Variants in TRAK1 observed in about 807,000 individuals in gnomAD.
TRAK1 encodes trafficking kinesin protein 1.
In TRAK1, 33 loss-of-function variants were observed where a neutral mutation model predicts 92.1. The observed-to-expected ratio is 0.36, with a 90% CI of 0.27 to 0.48. The LOEUF (loss-of-function observed/expected upper bound fraction) is 0.48, where lower values mean the gene tolerates loss of function less well. TRAK1 is among the 20% of genes least tolerant of loss of function. TRAK1 has a pLI of 0.99. For missense variants in TRAK1, 1,123 were observed against 1,257.9 expected (o/e 0.89, Z 1.62); for synonymous variants, 521 against 517.3 (o/e 1.01, Z -0.10).
chr3:42,220,446 G>T, intron 15 of TRAK1: 3 of 980,436 alleles, frequency 3.1e-6, no homozygotes, highest in Non-Finnish European at 3.6e-6. Context: ...AAAGCAGAAG[G>T]GGTGGGAACA....
chr3:42,176,699 G>A, intron 2 of TRAK1, 115 bp from the exon 3 acceptor site: 1 of 898,514 alleles, frequency 1.1e-6, no homozygotes, highest in Non-Finnish European at 1.8e-6. Flanking sequence ...CAGCGAGCCA[G>A]TGACCCTCTG....
At chr3:42,145,361 CT>C (rs1699190545) in intron 2 of TRAK1, among the ~76,000 whole-genome samples, 1 of 151,926 alleles carries the variant, frequency 6.6e-6, no homozygotes, top group Non-Finnish European at 1.5e-5. Flanking sequence ...TGGCACACAC[CT>C]TTAATCCCAG....
At chr3:42,147,280 G>A (rs1699436872) in intron 2 of TRAK1, among the ~76,000 whole-genome samples, 1 of 152,152 alleles carries the variant, frequency 6.6e-6, no homozygotes, top group Non-Finnish European at 1.5e-5. Context: ...TCAGGGAGAG[G>A]GAATAAAGTA....
intron 1 of TRAK1, among the ~76,000 whole-genome samples, chr3:42,094,944 A>G (rs1354632710): frequency 6.6e-6 from 1 of 152,194 alleles, no homozygotes; most frequent in Non-Finnish European, 1.5e-5. Context: ...GGGGTGGGTC[A>G]GCCTGTTTGC....
chr3:42,206,966 C>A (rs569859244), intron 13 of TRAK1, among the ~76,000 whole-genome samples: 1 of 152,298 alleles, frequency 6.6e-6, no homozygotes, highest in Non-Finnish European at 1.5e-5. Flanking sequence ...AGGGCCCAGA[C>A]CTCCAGCCTC....
chr3:42,138,282 T>C (rs1208376834), intron 2 of TRAK1, among the ~76,000 whole-genome samples: 1 of 152,190 alleles, frequency 6.6e-6, no homozygotes, highest in Non-Finnish European at 1.5e-5. Context: ...TTCTAGTAGA[T>C]TACAAATCGT....
chr3:42,218,816 C>T, intron 14 of TRAK1: 1 of 985,408 alleles, frequency 1.0e-6, no homozygotes, highest in Non-Finnish European at 1.2e-6. Flanking sequence ...GTATGGGGAC[C>T]TGTCCTGCTC....
chr3:42,118,353 A>G (rs932525792), intron 1 of TRAK1, among the ~76,000 whole-genome samples: 2 of 152,186 alleles, frequency 1.3e-5, no homozygotes, highest in East Asian at 3.9e-4. Context: ...CGGCCTCCCA[A>G]AGTGCTGGGA....
chr3:42,202,169 G>A lies in TRAK1; in HGVS notation c.1428-267G>A, dbSNP rs1707723733. Among the ~76,000 whole-genome samples, 2 of 152,138 alleles carry A rather than the reference G, an allele frequency of 1.3e-5. No homozygotes were observed. Among genetic ancestry groups the A allele is most frequent in the Admixed American group, 1.3e-4 (2 of 15,284 alleles). ...AGGTTCTTCAGGGAGATGTTTACAGGGACTGAATTTACTTAGTCTGTGTGC... is the reference window on the plus strand; with the variant it reads ...AGGTTCTTCAGGGAGATGTTTACAGAGACTGAATTTACTTAGTCTGTGTGC... On this transcript the variant is annotated intron_variant, in intron 12 of 15. Transcript: ENST00000327628. The surrounding 1 kb of genome is among the most constrained non-coding windows in gnomAD (Gnocchi z 6.1).
intron 6 of TRAK1, 63 bp from the exon 7 acceptor site, chr3:42,191,495 C>G (rs1705728828): frequency 6.7e-7 from 1 of 1,491,412 alleles, no homozygotes; most frequent in African/African-American, 1.4e-5. Context: ...TATGCCTCAG[C>G]CCTTGCCTGC....
At chr3:42,058,898 A>G (rs552176586) in intron 1 of TRAK1, among the ~76,000 whole-genome samples, 4 of 152,202 alleles carry the variant, frequency 2.6e-5, no homozygotes, top group Non-Finnish European at 5.9e-5. Context: ...AGATATTGAA[A>G]TGTGAAAAAA....
chr3:42,130,789 AAAC>A (rs959228105), intron 2 of TRAK1, among the ~76,000 whole-genome samples: 11 of 152,154 alleles, frequency 7.2e-5, no homozygotes, highest in Admixed American at 2.0e-4. Flanking sequence ...ACTTAAAAGT[AAAC>A]AACAACAACA....
At position 42,194,783 on chromosome 3, in the gene TRAK1, CTG is replaced by C. The variant is rs1559911231; in HGVS notation, c.976-17_976-16del. 1.2e-6 allele frequency: 2 copies of C among 1,612,232 alleles called. No individual in the cohort carries two copies. The highest frequency in any genetic ancestry group is 1.7e-6 in the Non-Finnish European group (2 of 1,179,202). ...TGGGTGCTCAGGAGATCCTGACCCT[CTG>C]TGTCTTTCCTGCCTGCAGCTGCGTG... On this transcript the variant is annotated intron_variant, in intron 9 of 15. Coordinates refer to ENST00000327628, the MANE Select transcript of TRAK1 (RefSeq NM_001042646.3).
intron 2 of TRAK1, among the ~76,000 whole-genome samples, chr3:42,163,876 G>A (rs527252511): frequency 6.6e-6 from 1 of 152,266 alleles, no homozygotes; most frequent in South Asian, 2.1e-4. Flanking sequence ...TAGCAGTCCT[G>A]TAGGTGAGGT....
intron 1 of TRAK1, among the ~76,000 whole-genome samples, chr3:42,043,241 T>C (rs875967): frequency 1.2e-4 from 18 of 151,898 alleles, no homozygotes; most frequent in African/African-American, 4.4e-4. Context: ...GCCCTCCTTC[T>C]CCTCCCTCTC....
intron 1 of TRAK1, among the ~76,000 whole-genome samples, chr3:42,027,386 G>A (rs1701959942): frequency 6.6e-6 from 1 of 152,060 alleles, no homozygotes; most frequent in South Asian, 2.1e-4. Flanking sequence ...AGCCAGGTGT[G>A]GTGGCGGGCA....
At chr3:42,154,857 T>G (rs1217074462) in intron 2 of TRAK1, among the ~76,000 whole-genome samples, 1 of 151,660 alleles carries the variant, frequency 6.6e-6, no homozygotes, top group Non-Finnish European at 1.5e-5. Flanking sequence ...ATGGGACAGG[T>G]GAAGTGGAGA....
In TRAK1 at chr3:42,066,191, T is replaced by G. The variant is rs117039687; in HGVS notation, c.-518-20913T>G. Among the ~76,000 whole-genome samples, 302 of 152,130 alleles carry G rather than the reference T, an allele frequency of 2.0e-3. 7 individuals are homozygous for G. In the East Asian group the frequency reaches 0.054, roughly 27 times the overall value. On this transcript the variant is annotated intron_variant, in intron 1 of 16. Transcript: ENST00000487159. ...AATTCCAAAGATTAGCCAGGCATGGTGGCACACACCTGTAGCCCCAGCTAT... is the reference window on the plus strand; with the variant it reads ...AATTCCAAAGATTAGCCAGGCATGGGGGCACACACCTGTAGCCCCAGCTAT...
At chr3:42,210,461 T>G (rs1708896435) in intron 14 of TRAK1, 2 of 1,260,436 alleles carry the variant, frequency 1.6e-6, no homozygotes, top group South Asian at 6.5e-5. Context: ...TCAGTGCCCT[T>G]CTTCCTGGTC....
Sources: allele counts gnomAD v4.1 joint callset (sites outside exome capture counted in the v4.1 genomes callset), GRCh38; gene constraint gnomAD v4.1.1; non-coding constraint Gnocchi (gnomAD v3.1); transcripts MANE v1.5; gene names NCBI Gene and HGNC (gene_info 2026-07-23, HGNC 2026-07-21).